Variants in HTR3B observed in about 807,000 individuals in gnomAD.
The protein encoded by HTR3B is 5-hydroxytryptamine (serotonin) receptor 3B, ionotropic.
HTR3B carries 44 observed loss-of-function variants against 42.8 expected under a neutral mutation model. The ratio of observed to expected loss-of-function variants is 1.03; its 90% CI spans 0.81 to 1.32. The LOEUF (loss-of-function observed/expected upper bound fraction) is 1.32. HTR3B is among the 40% of genes most tolerant of loss of function. HTR3B has a pLI of 0.00. For synonymous variants in HTR3B, 203 were observed against 209.0 expected, an observed-to-expected ratio of 0.97 and a Z score of 0.25; for missense variants, 527 against 536.5, an observed-to-expected ratio of 0.98 and a Z score of 0.17.
chr11:113,939,888 G>GTT (rs60017270), intron 6 of HTR3B, among the ~76,000 whole-genome samples: 162 of 137,922 alleles, frequency 1.2e-3, no homozygotes, highest in African/African-American at 1.4e-3. Context: ...TCCCCTTGGT[G>GTT]TTTTTTTTTT....
chr11:113,910,929 A>T (rs11214766), intron 2 of HTR3B, among the ~76,000 whole-genome samples: 35,827 of 148,992 alleles, frequency 0.24, 4,339 homozygotes, highest in Middle Eastern at 0.34. Flanking sequence ...TTCTGGGTTC[A>T]TGCCATTCTG....
At chr11:113,905,054 T>C (rs1480911993) in intron 1 of HTR3B, 69 bp downstream of exon 1, 1 of 1,091,296 alleles carries the variant, frequency 9.2e-7, no homozygotes, top group Non-Finnish European at 1.4e-6. Context: ...AATATTTGTA[T>C]ACACCGTACT....
At chr11:113,942,903 A>G in intron 6 of HTR3B, 79 bp from the exon 7 acceptor site, 1 of 1,228,800 alleles carries the variant, frequency 8.1e-7, no homozygotes, top group Non-Finnish European at 1.2e-6. Context: ...TTCGGGGAGA[A>G]TTCCTGGCTA....
At chr11:113,917,597 T>C (rs1486859416) in intron 2 of HTR3B, among the ~76,000 whole-genome samples, 1 of 152,044 alleles carries the variant, frequency 6.6e-6, no homozygotes, top group African/African-American at 2.4e-5. Context: ...CATTTAGACT[T>C]ATATTTTTCT....
chr11:113,929,242 T>C (rs566391867), intron 2 of HTR3B, among the ~76,000 whole-genome samples: 1 of 152,310 alleles, frequency 6.6e-6, no homozygotes, highest in African/African-American at 2.4e-5. Context: ...CTCATTGTGG[T>C]TTTGATGATT....
chr11:113,904,210 A>G (rs1949717577), upstream of HTR3B, among the ~76,000 whole-genome samples: 1 of 152,204 alleles, frequency 6.6e-6, no homozygotes. Flanking sequence ...CTTTTATTAA[A>G]TGATGTTGAA....
chr11:113,932,038 C>T (rs1950040154), intron 4 of HTR3B, among the ~76,000 whole-genome samples, 171 bp downstream of exon 4: 1 of 152,174 alleles, frequency 6.6e-6, no homozygotes, highest in South Asian at 2.1e-4. Flanking sequence ...ATTTAAGATA[C>T]AGATCTGGTT....
At chr11:113,938,911 CTTGAACCTG>C (rs1950111672) in intron 6 of HTR3B, among the ~76,000 whole-genome samples, 1 of 152,004 alleles carries the variant, frequency 6.6e-6, no homozygotes, top group Non-Finnish European at 1.5e-5. Context: ...AGGAGAATCG[CTTGAACCTG>C]TGAGGCGGAG....
chr11:113,945,573 A>G (rs1030582103), intron 8 of HTR3B, among the ~76,000 whole-genome samples: 1 of 152,238 alleles, frequency 6.6e-6, no homozygotes, highest in Admixed American at 6.5e-5. Context: ...CTAGTTGCTT[A>G]ATGTGAACAA....
intron 6 of HTR3B, among the ~76,000 whole-genome samples, chr11:113,942,017 A>G (rs1391505616): frequency 6.6e-6 from 1 of 152,194 alleles, no homozygotes; most frequent in Non-Finnish European, 1.5e-5. Context: ...GCCCGGAATG[A>G]TAGACACACA....
intron 6 of HTR3B, among the ~76,000 whole-genome samples, chr11:113,937,765 T>C (rs1455700382): frequency 6.6e-6 from 1 of 152,230 alleles, no homozygotes; most frequent in African/African-American, 2.4e-5. Flanking sequence ...TCTGGTCCAT[T>C]CTTTGCCATT....
intron 5 of HTR3B, 73 bp downstream of exon 5, chr11:113,932,531 G>A (rs898847762): frequency 4.1e-6 from 5 of 1,229,584 alleles, no homozygotes; most frequent in Non-Finnish European, 5.7e-6. Context: ...TATCCTTCAG[G>A]TCTATTTTAT....
At chr11:113,910,952 G>A (rs1179088384) in intron 2 of HTR3B, among the ~76,000 whole-genome samples, 6 of 145,466 alleles carry the variant, frequency 4.1e-5, no homozygotes, top group East Asian at 2.1e-4. Context: ...TCAGCCTCCC[G>A]AGTAGCTGGG....
At chr11:113,908,793 G>A (rs570426100) in intron 1 of HTR3B, among the ~76,000 whole-genome samples, 7 of 152,160 alleles carry the variant, frequency 4.6e-5, no homozygotes, top group South Asian at 4.1e-4. Flanking sequence ...TTGGGCTCTC[G>A]TTAATCCCTT....
intron 5 of HTR3B, 114 bp from the exon 6 acceptor site, chr11:113,932,822 C>T (rs1310950119): frequency 9.8e-7 from 1 of 1,017,706 alleles, no homozygotes; most frequent in Non-Finnish European, 1.5e-6. Flanking sequence ...GCCAAGGAGA[C>T]TGTGCCTATG....
chr11:113,944,840 G>A (rs574031400), intron 8 of HTR3B, 85 bp downstream of exon 8: 97 of 1,297,730 alleles, frequency 7.5e-5, no homozygotes, highest in South Asian at 3.3e-4. Context: ...TAGGTATTGC[G>A]TTGGCCTATG....
intron 6 of HTR3B, among the ~76,000 whole-genome samples, chr11:113,940,532 G>A (rs1165021237): frequency 6.6e-6 from 1 of 152,226 alleles, no homozygotes; most frequent in African/African-American, 2.4e-5. Context: ...TGCTTTCCTT[G>A]TTGACTGCAC....
In HTR3B at chr11:113,948,863, C is replaced by CAAA. The variant is rs58588681; in HGVS notation, c.*2738_*2740dup. 0.052 allele frequency among the ~76,000 whole-genome samples: 7,484 copies of CAAA among 144,908 alleles called. 243 individuals are homozygous for CAAA. The highest frequency in any genetic ancestry group is 0.079 in the African/African-American group (3,089 of 39,168). On this transcript the variant is annotated 3_prime_UTR_variant, in exon 9 of 9. Transcript: ENST00000260191. Reference sequence around the variant, plus strand: ...GGGCAACAAGAGCTAAACTCTATCTCAAAAAAAAAAAAAAGTTTAAAGTGC... The same window carrying CAAA: ...GGGCAACAAGAGCTAAACTCTATCTCAAAAAAAAAAAAAAAAAGTTTAAAGTGC...
intron 2 of HTR3B, among the ~76,000 whole-genome samples, chr11:113,924,768 C>T (rs890577517): frequency 6.6e-6 from 1 of 151,632 alleles, no homozygotes; most frequent in Non-Finnish European, 1.5e-5. Flanking sequence ...CCAAGTTGTT[C>T]CTTGGGGAAA....
Sources: allele counts gnomAD v4.1 joint callset (sites outside exome capture counted in the v4.1 genomes callset), GRCh38; gene constraint gnomAD v4.1.1; transcripts MANE v1.5; gene names NCBI Gene and HGNC (gene_info 2026-07-23, HGNC 2026-07-21).